CERS3: variants seen among roughly 807,000 people sequenced by gnomAD.
The protein encoded by CERS3 is LAG1 homolog, ceramide synthase 3.
CERS3 carries 33 observed loss-of-function variants against 50.3 expected under a neutral mutation model. That is an observed-to-expected ratio of 0.66 (90% CI 0.50 to 0.88). The LOEUF is 0.88. Among genes scored for constraint, CERS3 ranks in the 40% least tolerant of loss-of-function variants. The pLI is 0.00. For synonymous variants in CERS3, 176 were observed against 155.2 expected (o/e 1.13, Z -0.99); for missense variants, 470 against 460.3 (o/e 1.02, Z -0.19).
chr15:100,531,372 G>A (rs1001948645), upstream of CERS3, among the ~76,000 whole-genome samples: 1 of 152,190 alleles, frequency 6.6e-6, no homozygotes, highest in Admixed American at 6.5e-5. Flanking sequence ...AGAGGAATGA[G>A]AGTGAGGAAC....
At chr15:100,408,489 A>T (rs2031231155) in intron 11 of CERS3, 1 of 152,206 alleles carries the variant, frequency 6.6e-6, no homozygotes. Flanking sequence ...TCAGAATTTT[A>T]AAAACAGTTG....
intron 3 of CERS3, among the ~76,000 whole-genome samples, chr15:100,497,995 G>A (rs2035881490): frequency 6.6e-6 from 1 of 150,906 alleles, no homozygotes; most frequent in African/African-American, 2.4e-5. Flanking sequence ...CTGGGTTCAA[G>A]CGATTCTCCT....
At chr15:100,404,325 T>A (rs2030809902) in intron 11 of CERS3, among the ~76,000 whole-genome samples, 1 of 152,168 alleles carries the variant, frequency 6.6e-6, no homozygotes, top group Non-Finnish European at 1.5e-5. Context: ...AGTGGCCAAT[T>A]AAAAACTGAA....
At chr15:100,543,990 C>A (rs1027222881) in intron 1 of CERS3, 1 of 121,804 alleles carries the variant, frequency 8.2e-6, no homozygotes, top group Non-Finnish European at 1.8e-5. Flanking sequence ...AAGCACACCG[C>A]AGGAGGCTTT....
At chr15:100,449,624 C>A (rs1227821263) in intron 11 of CERS3, among the ~76,000 whole-genome samples, 1 of 152,164 alleles carries the variant, frequency 6.6e-6, no homozygotes, top group Non-Finnish European at 1.5e-5. Flanking sequence ...TTCACAGACA[C>A]CACTGAGGTT....
chr15:100,518,602 A>G (rs1414407671), intron 2 of CERS3, among the ~76,000 whole-genome samples: 2 of 152,258 alleles, frequency 1.3e-5, no homozygotes, highest in Non-Finnish European at 2.9e-5. Flanking sequence ...TTCTGTCAAT[A>G]TGCATTTACA....
Position 100,528,932 on chromosome 15 carries a change from T to C in CERS3, c.-211A>G, listed in dbSNP as rs1026543029. On this transcript the variant is annotated 5_prime_UTR_variant, in exon 1 of 12. Coordinates refer to ENST00000679737, the MANE Select transcript of CERS3 (RefSeq NM_001378789.1). ...GAGAGCAGCACAACTCATCTCTGTG[T>C]AAGACCTGAAATTCCTTCAGAGACC... 6.6e-6 allele frequency: 1 copy of C among 152,182 alleles called. No homozygotes were observed. Among genetic ancestry groups the C allele is most frequent in the East Asian group, 1.9e-4 (1 of 5,190 alleles). The allele number at this position is 152,182 out of a possible 1,614,324, so 9.4% of individuals were successfully genotyped here. A position where few individuals can be genotyped will look rare whatever the true frequency, so the allele number is the denominator to read the frequency against.
chr15:100,480,161 CAA>C (rs2035254986), intron 5 of CERS3, 115 bp from the exon 6 acceptor site: 7 of 771,328 alleles, frequency 9.1e-6, no homozygotes, highest in Non-Finnish European at 1.5e-5. Flanking sequence ...TCAGACAAAT[CAA>C]AGTTTCTATC....
intron 11 of CERS3, among the ~76,000 whole-genome samples, chr15:100,427,398 G>A (rs908354296): frequency 2.6e-5 from 4 of 152,188 alleles, no homozygotes; most frequent in African/African-American, 7.2e-5. Flanking sequence ...AAGTGGAAAT[G>A]AATAACATTA....
intron 3 of CERS3, among the ~76,000 whole-genome samples, chr15:100,499,849 G>A (rs1449810351): frequency 6.6e-6 from 1 of 152,144 alleles, no homozygotes; most frequent in Non-Finnish European, 1.5e-5. Flanking sequence ...TACTGAAACA[G>A]TCAGAAAATA....
intron 11 of CERS3, among the ~76,000 whole-genome samples, chr15:100,433,908 G>T (rs554194570): frequency 7.5e-4 from 114 of 152,356 alleles, no homozygotes; most frequent in African/African-American, 2.7e-3. Context: ...CCCTCTTGAG[G>T]CCTGGGCTTT....
rs536996893 is a variant in CERS3, at chr15:100,498,645, C to T, written c.173+3032G>A. ...AAACCCATTCAGACACCCAGACGGC[C>T]CCCCCTTTGTCTAGCACCCCATCAG... On this transcript the variant is annotated intron_variant, in intron 3 of 11. Transcript: ENST00000679737. Among the ~76,000 whole-genome samples, 47 of 152,160 alleles carry T rather than the reference C, an allele frequency of 3.1e-4. 1 individual carries two copies. The highest frequency in any genetic ancestry group is 5.9e-4 in the Admixed American group (9 of 15,286).
intron 11 of CERS3, among the ~76,000 whole-genome samples, chr15:100,445,053 G>A (rs2033874529): frequency 6.6e-6 from 1 of 151,512 alleles, no homozygotes; most frequent in Admixed American, 6.6e-5. Flanking sequence ...ACCAAGCTCA[G>A]CCACCAACTT....
At chr15:100,428,393 T>A (rs984285485) in intron 11 of CERS3, among the ~76,000 whole-genome samples, 1 of 152,192 alleles carries the variant, frequency 6.6e-6, no homozygotes, top group Non-Finnish European at 1.5e-5. Context: ...GAAAAACACC[T>A]TGCCACAAAG....
At chr15:100,459,440 T>G (rs2034481669) in intron 10 of CERS3, among the ~76,000 whole-genome samples, 1 of 152,122 alleles carries the variant, frequency 6.6e-6, no homozygotes, top group Non-Finnish European at 1.5e-5. Flanking sequence ...GGACTCCTGG[T>G]ATACGGCACA....
intron 2 of CERS3, among the ~76,000 whole-genome samples, chr15:100,508,208 C>T (rs1169889544): frequency 6.6e-6 from 1 of 152,154 alleles, no homozygotes; most frequent in Non-Finnish European, 1.5e-5. Flanking sequence ...ATCTTGCTGA[C>T]AGTGGGCACT....
intron 11 of CERS3, among the ~76,000 whole-genome samples, chr15:100,428,344 G>A (rs1005133207): frequency 9.9e-5 from 15 of 152,218 alleles, no homozygotes; most frequent in African/African-American, 3.6e-4. Context: ...TCCCCTGGAT[G>A]AGAAGACACT....
chr15:100,455,918 A>C lies in CERS3; in HGVS notation c.974T>G (p.Met325Arg). The change falls in exon 11 of 12, where the codon ATG (methionine) becomes AGG (arginine). Residue 325 changes from methionine to arginine, a missense_variant. Physicochemically the swap from Met to Arg is moderately conservative, Grantham distance 91. Coordinates refer to ENST00000679737, the MANE Select transcript of CERS3 (RefSeq NM_001378789.1). Reference sequence around the variant, plus strand: ...CTTCATGAATATACATCTGTTGAGCATCTTCAAGATGTAATAACCCCAGTA... The same window carrying C: ...CTTCATGAATATACATCTGTTGAGCCTCTTCAAGATGTAATAACCCCAGTA... ...HLYWGYYILK[M>R]LNRCIFMKSI... 1 of 1,611,950 alleles carries C rather than the reference A, an allele frequency of 6.2e-7. No individual in the cohort carries two copies. The highest frequency in any genetic ancestry group is 8.5e-7 in the Non-Finnish European group (1 of 1,178,974).
chr15:100,514,094 C>T (rs963900844), intron 2 of CERS3, among the ~76,000 whole-genome samples: 5 of 152,154 alleles, frequency 3.3e-5, no homozygotes, highest in African/African-American at 4.8e-5. Flanking sequence ...TAGCCATGTG[C>T]CCATGGACAA....
Sources: gnomAD v4.1 joint callset for allele counts (sites outside exome capture counted in the v4.1 genomes callset) on GRCh38, gnomAD v4.1.1 for gene constraint, MANE v1.5 for transcripts, NCBI Gene and HGNC (gene_info 2026-07-23, HGNC 2026-07-21) for gene names.